Variants in ADAM12 observed in about 807,000 individuals in gnomAD.
The protein encoded by ADAM12 is ADAM metallopeptidase domain 12.
ADAM12 carries 70 observed loss-of-function variants against 106.4 expected under a neutral mutation model. The observed-to-expected ratio is 0.66, with a 90% CI of 0.54 to 0.80. The LOEUF is 0.80. Ranked by LOEUF, ADAM12 falls within the 30% of genes least tolerant of loss-of-function variation. The pLI is 0.00. For synonymous variants in ADAM12, 420 were observed against 433.5 expected (o/e 0.97, Z 0.39); for missense variants, 1,010 against 1,171.9 (o/e 0.86, Z 2.02).
In ADAM12 at chr10:126,179,024, G is replaced by C. The variant is rs1178880423; in HGVS notation, c.261-23719C>G. Among the ~76,000 whole-genome samples the C allele has an allele frequency of 2.0e-5, 3 of 151,766 alleles. No individual in the cohort carries two copies. The East Asian group carries it at 5.8e-4, about 30-fold the overall frequency. ...ATTGTGCCACTGCACTCCAGCTTGG[G>C]CAACACAGTGAGACTCTTATCTTAA... On this transcript the variant is annotated intron_variant, in intron 3 of 22. Coordinates refer to ENST00000448723, the MANE Select transcript of ADAM12 (RefSeq NM_001288973.2).
intron 3 of ADAM12, among the ~76,000 whole-genome samples, chr10:126,214,609 G>A (rs1478031935): frequency 2.0e-5 from 3 of 152,318 alleles, no homozygotes; most frequent in Non-Finnish European, 2.9e-5. Flanking sequence ...AAGATTCACT[G>A]ATTGACAGTA....
intron 4 of ADAM12, among the ~76,000 whole-genome samples, chr10:126,142,920 T>C (rs1956541218): frequency 6.6e-6 from 1 of 152,078 alleles, no homozygotes; most frequent in Non-Finnish European, 1.5e-5. Flanking sequence ...CATGGGTATG[T>C]ATATGGGGTG....
intron 3 of ADAM12, among the ~76,000 whole-genome samples, chr10:126,270,448 T>C (rs1959169726): frequency 6.6e-6 from 1 of 152,258 alleles, no homozygotes; most frequent in South Asian, 2.1e-4. Flanking sequence ...GATGGAAATG[T>C]CCGTCTAGCC....
rs934903587 is a variant in ADAM12 at position 126,069,384 on chromosome 10, T to C, written c.1323+2093A>G. Among the ~76,000 whole-genome samples the C allele has an allele frequency of 3.3e-5, 5 of 152,220 alleles. No homozygotes were observed. The South Asian group carries it at 1.0e-3, about 31-fold the overall frequency. ...GGGGAATGAGAGCTATCTTCAAATA[T>C]CAAGAAGTTATCCTACAAAATAAGG... On this transcript the variant is annotated intron_variant, in intron 12 of 22. Transcript: ENST00000448723.
At chr10:126,163,945 A>G (rs1389109005) in intron 3 of ADAM12, among the ~76,000 whole-genome samples, 1 of 152,238 alleles carries the variant, frequency 6.6e-6, no homozygotes, top group African/African-American at 2.4e-5. Flanking sequence ...AATTAAAAAT[A>G]AAAGAAATAT....
At chr10:126,048,482 A>AAC (rs1954385887) in intron 16 of ADAM12, among the ~76,000 whole-genome samples, 1 of 152,244 alleles carries the variant, frequency 6.6e-6, no homozygotes, top group Non-Finnish European at 1.5e-5. Context: ...GAGTGGAGGC[A>AAC]ACACCTGTCC....
chr10:126,326,988 C>A (rs890036325), intron 2 of ADAM12, among the ~76,000 whole-genome samples: 2 of 152,204 alleles, frequency 1.3e-5, no homozygotes, highest in South Asian at 4.1e-4. Context: ...GAACTTGTTA[C>A]CACTTTTTAG....
intron 2 of ADAM12, among the ~76,000 whole-genome samples, chr10:126,288,165 A>G (rs1440336637): frequency 6.6e-6 from 1 of 152,140 alleles, no homozygotes; most frequent in African/African-American, 2.4e-5. Context: ...TAGGAGGCCA[A>G]CGTCCTCTGT....
intron 3 of ADAM12, among the ~76,000 whole-genome samples, chr10:126,173,526 G>T (rs901889033): frequency 2.0e-5 from 3 of 152,168 alleles, no homozygotes; most frequent in Non-Finnish European, 2.9e-5. Flanking sequence ...ACTGTCCCCA[G>T]ACACAGCCAA....
chr10:126,017,230 AAGAT>A lies in ADAM12; in HGVS notation c.*45_*48del, dbSNP rs1395895387. ...TACAAAAAACTCCAACTGGAGCTGA[AAGAT>A]AGTGCAAACTTCTGTCTTCACTGTT... On this transcript the variant is annotated 3_prime_UTR_variant, in exon 23 of 23. Transcript: ENST00000448723. 5 of 1,492,322 alleles carry A rather than the reference AAGAT, an allele frequency of 3.4e-6. No individual in the cohort carries two copies. The highest frequency in any genetic ancestry group is 2.5e-5 in the South Asian group (2 of 78,974). The allele number at this position is 1,492,322 out of a possible 1,614,324, so 92.4% of individuals were successfully genotyped here. A position where few individuals can be genotyped will look rare whatever the true frequency, so the allele number is the denominator to read the frequency against.
Position 126,014,823 on chromosome 10 carries a change from T to A in ADAM12, c.*2456A>T, listed in dbSNP as rs1377867414. 7.2e-6 allele frequency: 1 copy of A among 138,374 alleles called. No homozygotes were observed. Among genetic ancestry groups the A allele is most frequent in the Non-Finnish European group, 1.6e-5 (1 of 62,876 alleles). The allele number at this position is 138,374 out of a possible 1,614,324, so 8.6% of individuals were successfully genotyped here. A position where few individuals can be genotyped will look rare whatever the true frequency, so the allele number is the denominator to read the frequency against. ...AAACCACCTCTATTATTCATGCCTA[T>A]ACAGTCTTTTAAAAAAATACTAGAT... On this transcript the variant is annotated 3_prime_UTR_variant, in exon 23 of 23. Transcript: ENST00000448723.
chr10:126,065,032 C>G, intron 13 of ADAM12, 31 bp from the exon 14 acceptor site: 1 of 1,581,416 alleles, frequency 6.3e-7, no homozygotes, highest in Non-Finnish European at 8.6e-7. Context: ...ATGACACATG[C>G]ACCCGGGGAA....
intron 21 of ADAM12, among the ~76,000 whole-genome samples, chr10:126,020,792 A>G (rs541370025): frequency 6.6e-6 from 1 of 152,032 alleles, no homozygotes; most frequent in South Asian, 2.1e-4. Context: ...GGAGTTTGAG[A>G]CCAGCCTGGC....
rs1034555327 is a variant in ADAM12, at chr10:126,064,487, G to A, written c.1609+319C>T. Among the ~76,000 whole-genome samples the A allele has an allele frequency of 1.3e-5, 2 of 152,150 alleles. No individual in the cohort carries two copies. Among genetic ancestry groups the A allele is most frequent in the Admixed American group, 6.5e-5 (1 of 15,276 alleles). ...CGCAGTAGGTGCTCCTGCAGCTCCC[G>A]TATCTCCCGGGGCACACAGGTGCTC... On this transcript the variant is annotated intron_variant, in intron 14 of 22. Coordinates refer to ENST00000448723, the MANE Select transcript of ADAM12 (RefSeq NM_001288973.2). The surrounding 1 kb of genome is among the most constrained non-coding windows in gnomAD (Gnocchi z 4.4).
chr10:126,258,417 C>T (rs535708117), intron 3 of ADAM12, among the ~76,000 whole-genome samples: 13 of 151,996 alleles, frequency 8.6e-5, no homozygotes, highest in South Asian at 2.1e-4. Flanking sequence ...GTGCCCCACA[C>T]GCCCCACCAG....
intron 11 of ADAM12, among the ~76,000 whole-genome samples, chr10:126,089,378 C>G (rs1266960444): frequency 6.6e-6 from 1 of 152,102 alleles, no homozygotes; most frequent in Admixed American, 6.5e-5. Context: ...GTGAAGGATC[C>G]TTCCTCTTCA....
chr10:126,248,921 G>A (rs1015736983), intron 3 of ADAM12, among the ~76,000 whole-genome samples: 2 of 151,970 alleles, frequency 1.3e-5, no homozygotes, highest in Non-Finnish European at 2.9e-5. Flanking sequence ...GGTCAGGCTG[G>A]TCTCGAACTC....
chr10:126,325,315 T>C (rs1413143765), intron 2 of ADAM12, among the ~76,000 whole-genome samples: 2 of 152,120 alleles, frequency 1.3e-5, no homozygotes, highest in Non-Finnish European at 2.9e-5. Context: ...ATGTTGGGAA[T>C]GGGAGCTGCT....
intron 2 of ADAM12, among the ~76,000 whole-genome samples, chr10:126,323,825 A>G (rs868597000): frequency 6.6e-6 from 1 of 152,246 alleles, no homozygotes; most frequent in Admixed American, 6.5e-5. Flanking sequence ...AAAGCCTCAC[A>G]GCTTTCATGC....
Sources: gnomAD v4.1 joint callset for allele counts (sites outside exome capture counted in the v4.1 genomes callset) on GRCh38, gnomAD v4.1.1 for gene constraint, Gnocchi (gnomAD v3.1) non-coding constraint, MANE v1.5 for transcripts, NCBI Gene and HGNC (gene_info 2026-07-23, HGNC 2026-07-21) for gene names.